RNF38: variants seen among roughly 807,000 people sequenced by gnomAD.
RNF38 encodes the protein E3 ubiquitin-protein ligase RNF38.
RNF38 carries 15 observed loss-of-function variants against 67.2 expected under a neutral mutation model. The ratio of observed to expected loss-of-function variants is 0.22; its 90% confidence interval spans 0.15 to 0.34. The LOEUF (loss-of-function observed/expected upper bound fraction) is 0.34, where lower values mean the gene tolerates loss of function less well. RNF38 is among the 10% of genes least tolerant of loss of function. The pLI, the probability that RNF38 is intolerant of heterozygous loss-of-function variation, is 1.00. For synonymous variants in RNF38, 220 were observed against 218.8 expected (o/e 1.01, Z -0.05); for missense variants, 524 against 639.9 (o/e 0.82, Z 1.95).
chr9:36,341,879 C>T (rs1832877203), intron 11 of RNF38, among the ~76,000 whole-genome samples: 1 of 55,120 alleles, frequency 1.8e-5, no homozygotes, highest in African/African-American at 5.9e-5. Context: ...GAAGCCCCTG[C>T]AATAATTTCA....
At chr9:36,401,200 G>A, upstream of RNF38, 1 of 948,252 alleles carries the variant, frequency 1.1e-6, no homozygotes, top group Non-Finnish European at 1.3e-6. Flanking sequence ...AGGGGGAAGG[G>A]GGCGGGGCGG....
intron 4 of RNF38, among the ~76,000 whole-genome samples, chr9:36,361,118 A>C (rs971325342): frequency 5.9e-5 from 9 of 151,916 alleles, no homozygotes; most frequent in African/African-American, 2.2e-4. Flanking sequence ...CGCTTGGCCA[A>C]GTACCATATT....
At chr9:36,425,986 C>CA (rs1261158592) in intron 1 of RNF38, among the ~76,000 whole-genome samples, 4 of 152,158 alleles carry the variant, frequency 2.6e-5, no homozygotes, top group Non-Finnish European at 4.4e-5. Context: ...GTGAGCCACC[C>CA]ACCTGGCCTC....
At chr9:36,409,135 C>T (rs1043336146) in intron 2 of RNF38, among the ~76,000 whole-genome samples, 1 of 151,418 alleles carries the variant, frequency 6.6e-6, no homozygotes, top group African/African-American at 2.4e-5. Flanking sequence ...TGTAGTGAGC[C>T]AAGATCACAC....
chr9:36,346,041 ATATTCT>A (rs1207352361), intron 9 of RNF38, among the ~76,000 whole-genome samples: 4 of 152,246 alleles, frequency 2.6e-5, no homozygotes, highest in Non-Finnish European at 4.4e-5. Flanking sequence ...CAAAACAGTA[ATATTCT>A]TATTTTATCA....
At chr9:36,435,875 C>T (rs1033410394) in intron 1 of RNF38, among the ~76,000 whole-genome samples, 6 of 152,064 alleles carry the variant, frequency 3.9e-5, no homozygotes, top group East Asian at 1.9e-4. Flanking sequence ...GTGATCCGCC[C>T]GCCTCAGCCT....
chr9:36,482,532 T>C (rs934367352), intron 1 of RNF38, among the ~76,000 whole-genome samples: 4 of 150,542 alleles, frequency 2.7e-5, no homozygotes, highest in Admixed American at 2.0e-4. Context: ...TTTCTATTGT[T>C]AGTAGAGACG....
intron 1 of RNF38, among the ~76,000 whole-genome samples, chr9:36,398,989 T>C (rs1307705620): frequency 1.3e-5 from 2 of 152,122 alleles, no homozygotes; most frequent in Admixed American, 6.5e-5. Flanking sequence ...AGCCTAGGAA[T>C]GTAACATGAA....
At chr9:36,413,009 T>C (rs1434753267) in intron 2 of RNF38, among the ~76,000 whole-genome samples, 2 of 151,698 alleles carry the variant, frequency 1.3e-5, no homozygotes, top group African/African-American at 4.8e-5. Context: ...GAGGCAGAGG[T>C]TGCAGTGAGC....
At position 36,369,854 on chromosome 9, in the gene RNF38, G is replaced by T. The variant is rs768171959; in HGVS notation, c.435C>A (p.His145Gln). Residue 145 changes from histidine (H) to glutamine (Q), a missense_variant, in exon 4 of 12, where the codon CAC becomes CAA. Around this residue, in one of 2 missense-constraint regions of RNF38, gnomAD observed 461 missense variants for 517.4 expected, o/e 0.89. Coordinates refer to ENST00000259605, the MANE Select transcript of RNF38 (RefSeq NM_022781.5). Reference sequence around the variant, plus strand: ...CTTGCTGCTGTGCGTAAGGGAGATGGTGATAGTTTTCATCTTGACTAATGG... The same window carrying T: ...CTTGCTGCTGTGCGTAAGGGAGATGTTGATAGTTTTCATCTTGACTAATGG... ...HNSISQDENY[H>Q]HLPYAQQQAI... The T allele has an allele frequency of 1.2e-6, 2 of 1,613,872 alleles. No individual in the cohort carries two copies. Among genetic ancestry groups the T allele is most frequent in the South Asian group, 2.2e-5 (2 of 91,076 alleles).
chr9:36,446,918 C>A (rs557455333), intron 1 of RNF38, among the ~76,000 whole-genome samples: 3 of 142,356 alleles, frequency 2.1e-5, no homozygotes, highest in Non-Finnish European at 4.5e-5. Context: ...GTCAGGAGTT[C>A]GAGACCAATC....
intron 1 of RNF38, among the ~76,000 whole-genome samples, chr9:36,465,701 C>T (rs1363153229): frequency 2.0e-5 from 3 of 152,152 alleles, no homozygotes; most frequent in African/African-American, 7.2e-5. Flanking sequence ...TGTGCATTAA[C>T]TGATGAATGG....
chr9:36,452,730 G>T (rs554193434), intron 1 of RNF38, among the ~76,000 whole-genome samples: 53 of 152,058 alleles, frequency 3.5e-4, no homozygotes, highest in African/African-American at 1.3e-3. Context: ...ATGGGGTTTT[G>T]CCATGTTGGC....
At chr9:36,454,168 G>A (rs557592388) in intron 1 of RNF38, among the ~76,000 whole-genome samples, 2 of 151,008 alleles carry the variant, frequency 1.3e-5, no homozygotes, top group African/African-American at 4.9e-5. Context: ...CTGTCACCCA[G>A]GCTGAAGTGC....
chr9:36,466,469 G>A (rs906910409), intron 1 of RNF38, among the ~76,000 whole-genome samples: 2 of 152,194 alleles, frequency 1.3e-5, no homozygotes, highest in South Asian at 2.1e-4. Context: ...ATAAAGCGTA[G>A]TTTTAGTATT....
At chr9:36,476,285 A>C (rs1840118909) in intron 1 of RNF38, among the ~76,000 whole-genome samples, 1 of 151,794 alleles carries the variant, frequency 6.6e-6, no homozygotes, top group Admixed American at 6.6e-5. Flanking sequence ...TGCCTGGCTA[A>C]TTTTTGTATT....
rs535909831 is a variant in RNF38, at chr9:36,474,917, G to A, written n.241+12391C>T. On this transcript the variant is annotated intron_variant and non_coding_transcript_variant, in intron 1 of 3. Coordinates refer to the RNF38 transcript ENST00000488058. Reference sequence around the variant, plus strand: ...AGCACTTTGGGAGGCCGAGGCAGGCGGATCACCTGAGGTCGGGAGTTCAAA... The same window carrying A: ...AGCACTTTGGGAGGCCGAGGCAGGCAGATCACCTGAGGTCGGGAGTTCAAA... Among the ~76,000 whole-genome samples the A allele has an allele frequency of 5.4e-5, 8 of 147,682 alleles. 1 individual carries two copies. Among genetic ancestry groups the A allele is most frequent in the African/African-American group, 7.5e-5 (3 of 39,956 alleles).
intron 11 of RNF38, among the ~76,000 whole-genome samples, chr9:36,341,793 AATATATATATATATATATATAT>A (rs1193028456): frequency 5.7e-4 from 12 of 20,938 alleles, no homozygotes; most frequent in African/African-American, 1.4e-3. Flanking sequence ...CCTGTTTCAA[AATATATATATATATATATATAT>A]ATATATATAT....
intron 4 of RNF38, among the ~76,000 whole-genome samples, chr9:36,362,521 G>A (rs1287448546): frequency 6.7e-6 from 1 of 150,324 alleles, no homozygotes; most frequent in Non-Finnish European, 1.5e-5. Context: ...CATCACGTAG[G>A]TCAATAAACA....
Sources: allele counts gnomAD v4.1 joint callset (sites outside exome capture counted in the v4.1 genomes callset), GRCh38; gene constraint gnomAD v4.1.1; regional missense constraint gnomAD v4.1.1; transcripts MANE v1.5; gene names NCBI Gene and HGNC (gene_info 2026-07-23, HGNC 2026-07-21).